MCM10: variants seen among roughly 807,000 people sequenced by gnomAD.
MCM10 encodes minichromosome maintenance 10 replication initiation factor.
Under a neutral mutation model 109.9 loss-of-function variants are expected in MCM10, and 91 were observed. That is an observed-to-expected ratio of 0.83 (90% confidence interval 0.70 to 0.99). The LOEUF (loss-of-function observed/expected upper bound fraction) is 0.99. MCM10 is among the 50% of genes least tolerant of loss of function. The pLI is 0.00. For synonymous variants in MCM10, 380 were observed against 387.2 expected (o/e 0.98, Z 0.22); for missense variants, 1,077 against 1,061.2 (o/e 1.01, Z -0.21).
At chr10:13,198,584 G>T in intron 15 of MCM10, 105 bp from the exon 16 acceptor site, 2 of 743,928 alleles carry the variant, frequency 2.7e-6, no homozygotes, top group Admixed American at 2.0e-5. Context: ...AGTTTGAAGG[G>T]CTGGTAGGCA....
At chr10:13,165,875 GA>G (rs71513356) in intron 2 of MCM10, among the ~76,000 whole-genome samples, 7,240 of 109,034 alleles carry the variant, frequency 0.066, 219 homozygotes, top group South Asian at 0.15. Context: ...GACTCCATCT[GA>G]AAAAAAAAAA....
At chr10:13,202,010 T>C (rs1376846097) in intron 17 of MCM10, 1 of 153,288 alleles carries the variant, frequency 6.5e-6, no homozygotes. Flanking sequence ...GCAGAATTTT[T>C]ATCATAAATC....
chr10:13,197,471 TA>T, intron 14 of MCM10, 151 bp from the exon 15 acceptor site: 1 of 620,706 alleles, frequency 1.6e-6, no homozygotes, highest in East Asian at 2.8e-5. Context: ...GTAATTGTGT[TA>T]ATAATACTAA....
chr10:13,163,870 G>T (rs934663295), intron 1 of MCM10, among the ~76,000 whole-genome samples: 1 of 152,146 alleles, frequency 6.6e-6, no homozygotes, highest in Admixed American at 6.5e-5. Flanking sequence ...TCTCATCCAC[G>T]TAATCTAGTG....
At chr10:13,190,132 A>C (rs1834328707) in intron 10 of MCM10, among the ~76,000 whole-genome samples, 1 of 152,240 alleles carries the variant, frequency 6.6e-6, no homozygotes, top group Admixed American at 6.5e-5. Flanking sequence ...TATAAAGCAT[A>C]TCTGAGGACT....
At chr10:13,186,647 A>T (rs1031986735) in intron 9 of MCM10, among the ~76,000 whole-genome samples, 5 of 152,220 alleles carry the variant, frequency 3.3e-5, no homozygotes, top group Non-Finnish European at 7.3e-5. Flanking sequence ...TTTAAAAAAT[A>T]ATAGCTTCAT....
chr10:13,164,293 A>C, intron 2 of MCM10, 84 bp downstream of exon 2: 1 of 1,310,032 alleles, frequency 7.6e-7, no homozygotes, highest in Non-Finnish European at 1.0e-6. Flanking sequence ...CTACCTGTAA[A>C]ATGGTGAAAA....
chr10:13,204,994 GTATGTATGTA>G (rs1449994929), intron 18 of MCM10, among the ~76,000 whole-genome samples: 140 of 123,268 alleles, frequency 1.1e-3, no homozygotes, highest in African/African-American at 3.8e-3. Flanking sequence ...ATGTATGTAT[GTATGTATGTA>G]TATATATATA....
At chr10:13,205,692 T>C (rs1190888324) in intron 18 of MCM10, among the ~76,000 whole-genome samples, 1 of 152,198 alleles carries the variant, frequency 6.6e-6, no homozygotes. Context: ...TGGTTATTTT[T>C]TGCCTTTTTA....
intron 9 of MCM10, among the ~76,000 whole-genome samples, chr10:13,186,689 C>T (rs2131574836): frequency 6.6e-6 from 1 of 152,082 alleles, no homozygotes; most frequent in Admixed American, 6.6e-5. Flanking sequence ...TGCAATTCAC[C>T]CTTTTAAAGT....
intron 2 of MCM10, among the ~76,000 whole-genome samples, chr10:13,167,585 C>T (rs1450719703): frequency 7.6e-5 from 11 of 145,480 alleles, no homozygotes; most frequent in South Asian, 2.2e-4. Flanking sequence ...AGGGGAGGAC[C>T]GGGGGGGGCA....
Position 13,172,087 on chromosome 10 carries a change from CA to C in MCM10, c.350-287del, listed in dbSNP as rs1226681922. Among the ~76,000 whole-genome samples the C allele has an allele frequency of 2.6e-5, 4 of 152,014 alleles. No individual in the cohort carries two copies. The highest frequency in any genetic ancestry group is 2.6e-4 in the Admixed American group (4 of 15,248). ...CCATGCCTGGCCTATAATTATTTCT[CA>C]ACTCCTAAAAACTTGTTAACTGTGG... On this transcript the variant is annotated intron_variant, in intron 3 of 19. Coordinates refer to ENST00000378714, the MANE Select transcript of MCM10 (RefSeq NM_018518.5). The surrounding 1 kb of genome is among the most constrained non-coding windows in gnomAD (Gnocchi z 5.2).
Position 13,172,603 on chromosome 10 carries a change from A to C in MCM10, c.455-25A>C. On this transcript the variant is annotated intron_variant, in intron 4 of 19. Coordinates refer to ENST00000378714, the MANE Select transcript of MCM10 (RefSeq NM_018518.5). The surrounding 1 kb of genome is among the most constrained non-coding windows in gnomAD (Gnocchi z 5.2). ...CCTCTTTCTGAATGGGTTTTTACTC[A>C]CTTATTTTACTTTTGATTAAGTAGA... 6.2e-7 allele frequency: 1 copy of C among 1,612,902 alleles called. No individual in the cohort carries two copies. The highest frequency in any genetic ancestry group is 8.5e-7 in the Non-Finnish European group (1 of 1,179,592).
chr10:13,177,508 C>CTTTTTT (rs60316855), intron 6 of MCM10, among the ~76,000 whole-genome samples: 29 of 105,244 alleles, frequency 2.8e-4, no homozygotes, highest in South Asian at 6.6e-4. Flanking sequence ...GATTTTGGAG[C>CTTTTTT]TTTTTTTTTT....
chr10:13,191,674 G>T (rs773878171), intron 11 of MCM10, among the ~76,000 whole-genome samples: 1 of 152,094 alleles, frequency 6.6e-6, no homozygotes, highest in Non-Finnish European at 1.5e-5. Context: ...TGAGTGGCGC[G>T]GTCTAACCTA....
Position 13,189,030 on chromosome 10 carries a change from A to AGATGGCTTTTACTAC in MCM10, c.1367_1381dup (p.Asp456_Tyr460dup). The stretch of plus-strand genomic sequence containing the variant: ...CCAGCCTCAAAGAACGGCTGTGCCA[A>AGATGGCTTTTACTAC]GATGGCTTTTACTACGGAGGGGTTT... On this transcript the variant is annotated inframe_insertion, in exon 10 of 20. Transcript: ENST00000378714. 3.1e-6 allele frequency: 5 copies of AGATGGCTTTTACTAC among 1,614,262 alleles called. No homozygotes were observed. The highest frequency in any genetic ancestry group is 1.1e-5 in the South Asian group (1 of 91,086).
At chr10:13,164,085 G>T (rs948765870) in intron 1 of MCM10, 43 bp from the exon 2 acceptor site, 4 of 823,490 alleles carry the variant, frequency 4.9e-6, no homozygotes, top group Non-Finnish European at 5.5e-6. Context: ...GTGAGAGAAA[G>T]AGAAGAATTG....
chr10:13,186,729 C>A (rs888254401), intron 9 of MCM10, among the ~76,000 whole-genome samples: 1 of 152,182 alleles, frequency 6.6e-6, no homozygotes, highest in African/African-American at 2.4e-5. Flanking sequence ...TGGTGGCTCA[C>A]TCTTGTAATC....
Position 13,188,996 on chromosome 10 carries a change from G to A in MCM10, c.1331G>A (p.Arg444His), listed in dbSNP as rs755322729. The change falls in exon 10 of 20, where the codon CGC becomes CAC. Residue 444 changes from arginine (R) to histidine (H), a missense_variant. Coordinates refer to ENST00000378714, the MANE Select transcript of MCM10 (RefSeq NM_018518.5). ...SGGRIPKKFA[R>H]RGTSLKERLC... is the part of the protein sequence containing the mutation. ...GGACGAATTCCAAAGAAGTTTGCCC[G>A]CAGAGGCACCAGCCTCAAAGAACGG... 49 of 1,614,092 alleles carry A rather than the reference G, an allele frequency of 3.0e-5. No homozygotes were observed. The highest frequency in any genetic ancestry group is 1.2e-4 in the African/African-American group (9 of 74,940).
Sources: gnomAD v4.1 joint callset for allele counts (sites outside exome capture counted in the v4.1 genomes callset) on GRCh38, gnomAD v4.1.1 for gene constraint, Gnocchi (gnomAD v3.1) non-coding constraint, MANE v1.5 for transcripts, NCBI Gene and HGNC (gene_info 2026-07-23, HGNC 2026-07-21) for gene names.